The following PLEKHA7 variants were observed in gnomAD, a reference collection of about 807,000 sequenced individuals.
PLEKHA7 encodes the protein pleckstrin homology domain containing A7, also known as pleckstrin homology domain-containing family A member 7.
In PLEKHA7, 104 loss-of-function variants were observed where a neutral mutation model predicts 170.0. The ratio of observed to expected loss-of-function variants is 0.61; its 90% CI spans 0.52 to 0.72. The LOEUF (loss-of-function observed/expected upper bound fraction) is 0.72. PLEKHA7 is among the 30% of genes least tolerant of loss of function. PLEKHA7 has a pLI of 0.00. For synonymous variants in PLEKHA7, 648 were observed against 660.8 expected (o/e 0.98, Z 0.30); for missense variants, 1,615 against 1,671.7 (o/e 0.97, Z 0.59).
intron 3 of PLEKHA7, among the ~76,000 whole-genome samples, chr11:17,007,854 TG>T (rs2137105365): frequency 6.6e-6 from 1 of 152,308 alleles, no homozygotes; most frequent in East Asian, 1.9e-4. Flanking sequence ...GATTACTGGG[TG>T]TGAACCACCA....
At chr11:16,785,166 T>C (rs900941686) in intron 24 of PLEKHA7, among the ~76,000 whole-genome samples, 5 of 152,194 alleles carry the variant, frequency 3.3e-5, no homozygotes, top group South Asian at 2.1e-4. Context: ...GTAGATACCA[T>C]TGGCAAATCA....
intron 3 of PLEKHA7, among the ~76,000 whole-genome samples, chr11:16,949,277 G>C (rs1410657861): frequency 6.6e-6 from 1 of 152,232 alleles, no homozygotes; most frequent in African/African-American, 2.4e-5. Flanking sequence ...CAGGTGGGAA[G>C]GGGTGGCACA....
chr11:16,828,204 C>T (rs1013379273), intron 9 of PLEKHA7, among the ~76,000 whole-genome samples: 2 of 152,156 alleles, frequency 1.3e-5, no homozygotes, highest in African/African-American at 2.4e-5. Context: ...CCCCATGTGT[C>T]GTGGGAAGGA....
chr11:16,796,183 A>G lies in PLEKHA7; in HGVS notation c.2410-1165T>C, dbSNP rs7942039. ...CTTTACCACAGTTTTTTTGAAAGGC[A>G]CTGTCCTATGTAATCATGACAGAAG... On this transcript the variant is annotated intron_variant, in intron 17 of 26. Coordinates refer to ENST00000531066, the MANE Select transcript of PLEKHA7 (RefSeq NM_001329630.2). Among the ~76,000 whole-genome samples the G allele has an allele frequency of 6.4e-3, 972 of 152,272 alleles. 10 individuals are homozygous for G. Among genetic ancestry groups the G allele is most frequent in the African/African-American group, 0.021 (880 of 41,540 alleles).
At chr11:16,963,460 A>T (rs1183375311) in intron 3 of PLEKHA7, among the ~76,000 whole-genome samples, 1 of 152,118 alleles carries the variant, frequency 6.6e-6, no homozygotes, top group Non-Finnish European at 1.5e-5. Flanking sequence ...CAAACCATAG[A>T]CAGAAACTAT....
intron 3 of PLEKHA7, among the ~76,000 whole-genome samples, chr11:16,910,337 T>C (rs368033886): frequency 1.3e-4 from 20 of 152,364 alleles, no homozygotes; most frequent in African/African-American, 3.6e-4. Context: ...AAATTGCAGA[T>C]TGGAGTCCAA....
chr11:16,782,173 C>CACA lies in PLEKHA7; in HGVS notation c.3793+580_3793+581insTGT, dbSNP rs60089285. Among the ~76,000 whole-genome samples, 1,241 of 151,248 alleles carry CACA rather than the reference C, an allele frequency of 8.2e-3. 6 individuals carry two copies. The highest frequency in any genetic ancestry group is 0.013 in the Non-Finnish European group (871 of 67,772). ...TTGAGACACACGGACACACACACACCCACACACACACGTTCTCATCCCATG... is the reference window on the plus strand; with the variant it reads ...TTGAGACACACGGACACACACACACCACACACACACACACGTTCTCATCCCATG... On this transcript the variant is annotated intron_variant, in intron 26 of 26. Transcript: ENST00000531066.
At chr11:16,848,618 T>C (rs1479925540) in intron 8 of PLEKHA7, among the ~76,000 whole-genome samples, 1 of 152,222 alleles carries the variant, frequency 6.6e-6, no homozygotes, top group Non-Finnish European at 1.5e-5. Context: ...AAAATGGTGA[T>C]GAGCATAAAT....
At chr11:16,892,441 T>G (rs574945410) in intron 3 of PLEKHA7, among the ~76,000 whole-genome samples, 2,238 of 143,736 alleles carry the variant, frequency 0.016, 59 homozygotes, top group African/African-American at 0.053. Context: ...TGTGTTTTGT[T>G]TTGTTTTGTT....
At chr11:16,847,904 C>T (rs60625376) in intron 8 of PLEKHA7, among the ~76,000 whole-genome samples, 1 of 150,534 alleles carries the variant, frequency 6.6e-6, no homozygotes, top group South Asian at 2.1e-4. Context: ...CACTGAAGGG[C>T]TTATGGTAGG....
At position 16,817,780 on chromosome 11, in the gene PLEKHA7, T is replaced by C. The variant is rs570751487; in HGVS notation, c.1344-458A>G. 2.0e-5 allele frequency among the ~76,000 whole-genome samples: 3 copies of C among 152,332 alleles called. No homozygotes were observed. The highest frequency in any genetic ancestry group is 3.4e-3 in the Middle Eastern group (1 of 294). On this transcript the variant is annotated intron_variant, in intron 10 of 26. Coordinates refer to ENST00000531066, the MANE Select transcript of PLEKHA7 (RefSeq NM_001329630.2). This position sits in a 1 kb window ranked among gnomAD's most constrained non-coding sequence, Gnocchi z 4.4. ...TTTTTCTGGACTCTTCTAGTCCAGA[T>C]ACTGATTAATTATCTCCCTCCAGAC...
intron 3 of PLEKHA7, among the ~76,000 whole-genome samples, chr11:17,008,674 G>A (rs1215311805): frequency 6.6e-6 from 1 of 152,206 alleles, no homozygotes; most frequent in African/African-American, 2.4e-5. Context: ...GGGTGCCTAA[G>A]TCACAGAAGT....
intron 3 of PLEKHA7, among the ~76,000 whole-genome samples, chr11:16,993,055 C>T (rs1220561384): frequency 1.3e-5 from 2 of 152,144 alleles, no homozygotes; most frequent in Non-Finnish European, 2.9e-5. Flanking sequence ...CTCTGCCCAG[C>T]CTGGGAGATA....
At chr11:16,932,425 G>A (rs1031031486) in intron 3 of PLEKHA7, among the ~76,000 whole-genome samples, 4 of 151,960 alleles carry the variant, frequency 2.6e-5, no homozygotes, top group African/African-American at 9.7e-5. Context: ...AGGACTACAG[G>A]TGCACACCAC....
rs896163789 is a variant in PLEKHA7 at position 16,817,557 on chromosome 11, C to T, written c.1344-235G>A. ...CCAGGACAACTTGGCTACCCCATGC[C>T]CATCACTTGGAGTGCAATGTGATTA... On this transcript the variant is annotated intron_variant, in intron 10 of 26. Coordinates refer to ENST00000531066, the MANE Select transcript of PLEKHA7 (RefSeq NM_001329630.2). The surrounding 1 kb of genome is among the most constrained non-coding windows in gnomAD (Gnocchi z 4.4). 2 of 466,568 alleles carry T rather than the reference C, an allele frequency of 4.3e-6. No homozygotes were observed. The highest frequency in any genetic ancestry group is 3.8e-6 in the Non-Finnish European group (1 of 264,708). The allele number at this position is 466,568 out of a possible 1,614,324, so 28.9% of individuals were successfully genotyped here.
chr11:16,841,465 T>A, intron 9 of PLEKHA7, 82 bp downstream of exon 9: 1 of 1,450,116 alleles, frequency 6.9e-7, no homozygotes, highest in Non-Finnish European at 9.3e-7. Flanking sequence ...GTAAATGGAA[T>A]CTCAGGCACC....
intron 3 of PLEKHA7, among the ~76,000 whole-genome samples, chr11:16,894,092 C>T (rs756731599): frequency 6.6e-6 from 1 of 152,146 alleles, no homozygotes; most frequent in African/African-American, 2.4e-5. Flanking sequence ...CTCCAGAGGC[C>T]CAACAGCTCA....
At chr11:16,885,691 AG>A (rs1856041206) in intron 3 of PLEKHA7, among the ~76,000 whole-genome samples, 1 of 151,246 alleles carries the variant, frequency 6.6e-6, no homozygotes, top group South Asian at 2.1e-4. Context: ...TCTCTAACTG[AG>A]CTTTTGAAAG....
intron 3 of PLEKHA7, among the ~76,000 whole-genome samples, chr11:16,899,216 G>A (rs1312747395): frequency 6.6e-6 from 1 of 152,190 alleles, no homozygotes; most frequent in East Asian, 1.9e-4. Flanking sequence ...TTTGCATATG[G>A]CTGGGCGCGG....
Sources: allele counts gnomAD v4.1 joint callset (sites outside exome capture counted in the v4.1 genomes callset), GRCh38; gene constraint gnomAD v4.1.1; non-coding constraint Gnocchi (gnomAD v3.1); transcripts MANE v1.5; gene names NCBI Gene and HGNC (gene_info 2026-07-23, HGNC 2026-07-21).